Variants in TNRC18 observed in about 807,000 individuals in gnomAD.
The protein encoded by TNRC18 is trinucleotide repeat-containing gene 18 protein.
In TNRC18, 69 loss-of-function variants were observed where a neutral mutation model predicts 226.7. That is an observed-to-expected ratio of 0.30 (90% CI 0.25 to 0.37). The LOEUF is 0.37. Among genes scored for constraint, TNRC18 ranks in the 10% least tolerant of loss-of-function variants. The probability of loss-of-function intolerance (pLI) is 1.00; values close to 1 mark genes in which losing one functional copy is unlikely to be tolerated. For missense variants in TNRC18, 4,754 were observed against 4,256.6 expected (o/e 1.12, Z -3.25); for synonymous variants, 2,449 against 1,927.6 (o/e 1.27, Z -7.09).
At chr7:5,423,069 A>C (rs1158522311) in intron 1 of TNRC18, 1 of 152,074 alleles carries the variant, frequency 6.6e-6, no homozygotes, top group Non-Finnish European at 1.5e-5. Flanking sequence ...CCCCCTCTTA[A>C]ATGGAGTTAA....
chr7:5,378,805 C>G (rs935215724), intron 5 of TNRC18, among the ~76,000 whole-genome samples: 2 of 152,056 alleles, frequency 1.3e-5, no homozygotes, highest in African/African-American at 4.8e-5. Flanking sequence ...AAAAAAAACA[C>G]AACCCAAAAA....
At chr7:5,340,181 A>C (rs1282462628) in intron 18 of TNRC18, among the ~76,000 whole-genome samples, 1 of 152,254 alleles carries the variant, frequency 6.6e-6, no homozygotes, top group Non-Finnish European at 1.5e-5. Context: ...CTGTGAATGC[A>C]AAGAAAAAGT....
In TNRC18 at chr7:5,320,395, A is replaced by T. The variant is rs1788222831; in HGVS notation, c.6668T>A (p.Phe2223Tyr). ...IIDVRPASTR[F>Y]LPQGTRIAAY... Reference sequence around the variant, plus strand: ...TGCAATCCTGGTCCCTTGTGGCAAGAAGCGAGTGGAGGCTGGCCTCACATC... The same window carrying T: ...TGCAATCCTGGTCCCTTGTGGCAAGTAGCGAGTGGAGGCTGGCCTCACATC... The change falls in exon 24 of 30, where the codon TTC (phenylalanine) becomes TAC (tyrosine). Residue 2223 changes from phenylalanine (F) to tyrosine (Y), a missense_variant. Phe to Tyr is a conservative substitution (Grantham distance 22, BLOSUM62 3). Transcript: ENST00000430969. 6.4e-7 allele frequency: 1 copy of T among 1,562,324 alleles called. No individual in the cohort carries two copies. Among genetic ancestry groups the T allele is most frequent in the Non-Finnish European group, 8.7e-7 (1 of 1,153,108 alleles).
intron 4 of TNRC18, 190 bp from the exon 5 acceptor site, chr7:5,389,526 C>G (rs868166215): frequency 1.6e-6 from 1 of 633,772 alleles, no homozygotes. Flanking sequence ...GCAACCTTGG[C>G]TCACTGCAAC....
In TNRC18 at chr7:5,388,630, C is replaced by A; in HGVS notation, c.1194G>T (p.Arg398=). ...IQIASQARDA[R]AREREAGRPG... ...GCCTGCCAGCCTCGCGCTCGCGGGC[C>A]CGGGCATCGCGCGCCTGGGATGCGA... Residue 398 remains arginine (R), a synonymous_variant, in exon 5 of 30, where the codon CGG becomes CGT. Coordinates refer to ENST00000430969, the MANE Select transcript of TNRC18 (RefSeq NM_001080495.3). The A allele has an allele frequency of 1.6e-6, 2 of 1,278,728 alleles. No homozygotes were observed. The highest frequency in any genetic ancestry group is 2.0e-5 in the South Asian group (1 of 50,030). The allele number at this position is 1,278,728 out of a possible 1,614,324, so 79.2% of individuals were successfully genotyped here.
intron 9 of TNRC18, among the ~76,000 whole-genome samples, chr7:5,375,242 G>A (rs1362974298): frequency 6.6e-6 from 1 of 152,190 alleles, no homozygotes; most frequent in Non-Finnish European, 1.5e-5. Context: ...CCAGGAGGCG[G>A]AGGTTGCAGT....
intron 16 of TNRC18, among the ~76,000 whole-genome samples, chr7:5,355,360 G>A (rs2128151776): frequency 6.6e-6 from 1 of 152,350 alleles, no homozygotes; most frequent in Non-Finnish European, 1.5e-5. Context: ...AGGCAAGGCA[G>A]CTCACGCCTG....
chr7:5,386,940 G>A (rs1273764885), intron 5 of TNRC18, among the ~76,000 whole-genome samples: 2 of 152,116 alleles, frequency 1.3e-5, no homozygotes, highest in Non-Finnish European at 2.9e-5. Flanking sequence ...CAAGCATGGT[G>A]GCACATGTCT....
At chr7:5,321,261 C>T (rs1788325436) in intron 21 of TNRC18, 71 bp from the exon 22 acceptor site, 2 of 1,142,490 alleles carry the variant, frequency 1.8e-6, no homozygotes, top group African/African-American at 3.1e-5. Flanking sequence ...CCTCCCGTTA[C>T]CCCCAAGTCA....
At chr7:5,350,696 A>G (rs1017401625) in intron 17 of TNRC18, among the ~76,000 whole-genome samples, 1 of 152,192 alleles carries the variant, frequency 6.6e-6, no homozygotes, top group Admixed American at 6.5e-5. Context: ...AAAGGCTCAC[A>G]CACATCTAAC....
intron 2 of TNRC18, among the ~76,000 whole-genome samples, chr7:5,409,783 T>C (rs569328446): frequency 1.2e-4 from 17 of 139,708 alleles, no homozygotes; most frequent in Admixed American, 1.1e-3. Flanking sequence ...GAGACCATCG[T>C]GGCTAACATG....
chr7:5,397,251 C>A (rs1192945837), intron 2 of TNRC18, among the ~76,000 whole-genome samples: 1 of 152,170 alleles, frequency 6.6e-6, no homozygotes, highest in Non-Finnish European at 1.5e-5. Context: ...CTGTGGCAGG[C>A]GGGTGGGTAG....
At chr7:5,366,781 G>A (rs1251588384) in intron 11 of TNRC18, among the ~76,000 whole-genome samples, 2 of 152,116 alleles carry the variant, frequency 1.3e-5, no homozygotes, top group Admixed American at 6.6e-5. Flanking sequence ...AAGGATGGAG[G>A]GCTGTTCTGT....
At chr7:5,311,550 G>GCA (rs1487877013) in intron 27 of TNRC18, among the ~76,000 whole-genome samples, 1 of 152,172 alleles carries the variant, frequency 6.6e-6, no homozygotes, top group Non-Finnish European at 1.5e-5. Flanking sequence ...GTCAGGCCCC[G>GCA]CACCTGGAAT....
chr7:5,368,566 A>AGGCTGT (rs1793855948), intron 11 of TNRC18, among the ~76,000 whole-genome samples: 2 of 148,304 alleles, frequency 1.3e-5, no homozygotes. Context: ...CAGGAGGCTG[A>AGGCTGT]GGCAGGAAAA....
At chr7:5,400,957 G>A (rs545618605) in intron 2 of TNRC18, among the ~76,000 whole-genome samples, 1 of 152,142 alleles carries the variant, frequency 6.6e-6, no homozygotes, top group Non-Finnish European at 1.5e-5. Flanking sequence ...TGGGAGGATT[G>A]CTCGAGCACA....
chr7:5,330,931 TC>T (rs1789463977), intron 19 of TNRC18, among the ~76,000 whole-genome samples: 1 of 151,970 alleles, frequency 6.6e-6, no homozygotes, highest in Non-Finnish European at 1.5e-5. Flanking sequence ...CACCTTGGCC[TC>T]CCAAAGTGCT....
chr7:5,418,268 A>C (rs968733428), intron 2 of TNRC18, among the ~76,000 whole-genome samples: 1 of 152,226 alleles, frequency 6.6e-6, no homozygotes, highest in Non-Finnish European at 1.5e-5. Context: ...ACAATGTAGC[A>C]AGGCTCAAGG....
chr7:5,324,338 A>AC lies in TNRC18; in HGVS notation c.6317dup (p.Ala2107CysfsTer16). 6.2e-7 allele frequency: 1 copy of AC among 1,613,080 alleles called. No individual in the cohort carries two copies. The highest frequency in any genetic ancestry group is 8.5e-7 in the Non-Finnish European group (1 of 1,179,638). On this transcript the variant is annotated frameshift_variant, in exon 21 of 30. Coordinates refer to ENST00000430969, the MANE Select transcript of TNRC18 (RefSeq NM_001080495.3). LOFTEE classifies it high-confidence loss of function. The surrounding 1 kb of genome is among the most constrained non-coding windows in gnomAD (Gnocchi z 4.8). ...TGCTCTCCATCAGCTTGCTCACGGC[A>AC]CCCCCCTTGCCGCGGTTCTGGGGAC...
Sources: gnomAD v4.1 joint callset for allele counts (sites outside exome capture counted in the v4.1 genomes callset) on GRCh38, gnomAD v4.1.1 for gene constraint, Gnocchi (gnomAD v3.1) non-coding constraint, MANE v1.5 for transcripts, NCBI Gene and HGNC (gene_info 2026-07-23, HGNC 2026-07-21) for gene names.